MSH3: variants seen among roughly 807,000 people sequenced by gnomAD.
The protein encoded by MSH3 is mutS homolog 3.
A neutral mutation model predicts 123.3 loss-of-function variants in MSH3; 106 were observed. The observed-to-expected ratio is 0.86, with a 90% CI of 0.73 to 1.01. The LOEUF (loss-of-function observed/expected upper bound fraction) is 1.01, where lower values mean the gene tolerates loss of function less well. Ranked by LOEUF, MSH3 falls within the 50% of genes least tolerant of loss-of-function variation. The pLI is 0.00. For missense variants in MSH3, 1,459 were observed against 1,347.6 expected (o/e 1.08, Z -1.29); for synonymous variants, 515 against 481.4 (o/e 1.07, Z -0.91).
chr5:80,678,868 A>G, intron 7 of MSH3, 59 bp from the exon 8 acceptor site: 11 of 1,578,244 alleles, frequency 7.0e-6, no homozygotes, highest in Non-Finnish European at 8.7e-6. Context: ...ATGCTGTGTT[A>G]TAGCCATAAC....
intron 8 of MSH3, among the ~76,000 whole-genome samples, chr5:80,693,620 C>T (rs202062403): frequency 6.4e-5 from 6 of 94,216 alleles, no homozygotes; most frequent in African/African-American, 2.8e-4. Context: ...TACACACACA[C>T]ATATACACAC....
chr5:80,875,182 T>G (rs1265858397), intron 23 of MSH3, among the ~76,000 whole-genome samples: 1 of 152,126 alleles, frequency 6.6e-6, no homozygotes, highest in Non-Finnish European at 1.5e-5. Context: ...CATGGTATAG[T>G]TGGGGAAAGT....
At chr5:80,670,777 G>A (rs1269243834) in intron 4 of MSH3, among the ~76,000 whole-genome samples, 1 of 152,148 alleles carries the variant, frequency 6.6e-6, no homozygotes, top group African/African-American at 2.4e-5. Context: ...GAAGTTGTTT[G>A]AAGTTTTACA....
chr5:80,813,617 C>T lies in MSH3; in HGVS notation c.2689C>T (p.Pro897Ser). The T allele has an allele frequency of 6.2e-7, 1 of 1,614,002 alleles. No homozygotes were observed. Among genetic ancestry groups the T allele is most frequent in the African/African-American group, 1.3e-5 (1 of 74,980 alleles). ...DSERVMIITG[P>S]NMGGKSSYIK... is the part of the protein sequence containing the mutation. The stretch of plus-strand genomic sequence containing the variant: ...AGAGAGAGTAATGATAATTACCGGA[C>T]CAAACATGGGTGGAAAGAGCTCCTA... The change falls in exon 20 of 24, where the codon CCA becomes TCA. Residue 897 changes from proline (P) to serine (S), a missense_variant. Transcript: ENST00000265081.
At chr5:80,761,740 T>A (rs1744039685) in intron 13 of MSH3, 62 bp downstream of exon 13, 1 of 1,585,176 alleles carries the variant, frequency 6.3e-7, no homozygotes, top group Admixed American at 1.7e-5. Context: ...CACTATATAT[T>A]AAAAGAAAAC....
At chr5:80,834,617 T>G (rs1745477469) in intron 20 of MSH3, among the ~76,000 whole-genome samples, 1 of 135,154 alleles carries the variant, frequency 7.4e-6, no homozygotes, top group African/African-American at 2.7e-5. Flanking sequence ...TAAAATATAT[T>G]TTTAGTTTAA....
intron 8 of MSH3, among the ~76,000 whole-genome samples, chr5:80,712,846 G>A (rs1489603893): frequency 3.9e-5 from 6 of 151,946 alleles, no homozygotes; most frequent in Non-Finnish European, 8.8e-5. Context: ...TTCTAAGAAA[G>A]TGGTGGTTGT....
At chr5:80,874,489 T>G (rs929907281) in intron 23 of MSH3, among the ~76,000 whole-genome samples, 1 of 152,144 alleles carries the variant, frequency 6.6e-6, no homozygotes, top group Admixed American at 6.6e-5. Context: ...AATATAAAAT[T>G]TTTCCTGAGG....
At chr5:80,776,518 AT>A (rs1293419800) in intron 16 of MSH3, among the ~76,000 whole-genome samples, 2 of 151,698 alleles carry the variant, frequency 1.3e-5, no homozygotes, top group Non-Finnish European at 2.9e-5. Flanking sequence ...AATTCTTTAC[AT>A]CTTTTTTTTT....
At position 80,771,405 on chromosome 5, in the gene MSH3, C is replaced by T. The variant is rs923825069; in HGVS notation, c.2253+2402C>T. 4.0e-5 allele frequency among the ~76,000 whole-genome samples: 6 copies of T among 151,288 alleles called. No homozygotes were observed. In the South Asian group the frequency reaches 1.3e-3, roughly 32 times the overall value. On this transcript the variant is annotated intron_variant, in intron 15 of 23. Transcript: ENST00000265081. ...AAGGTAGAGAATCACTTGAGCCTGA[C>T]AGGCTGAAGTTGCTGTGACCTGTGA...
chr5:80,871,825 A>C (rs1580103495), intron 22 of MSH3, among the ~76,000 whole-genome samples: 1 of 152,250 alleles, frequency 6.6e-6, no homozygotes, highest in Admixed American at 6.5e-5. Flanking sequence ...AGGGAATGAC[A>C]CAAGCACGTG....
rs562005115 is a variant in MSH3 at position 80,785,070 on chromosome 5, G to A, written c.2436-2495G>A. On this transcript the variant is annotated intron_variant, in intron 17 of 23. Coordinates refer to ENST00000265081, the MANE Select transcript of MSH3 (RefSeq NM_002439.5). Reference sequence around the variant, plus strand: ...TATATAGGAATAGTCCATCATTCTAGTAGTGTAATCTGGATATCTTTTTCA... The same window carrying A: ...TATATAGGAATAGTCCATCATTCTAATAGTGTAATCTGGATATCTTTTTCA... Among the ~76,000 whole-genome samples, 3 of 152,140 alleles carry A rather than the reference G, an allele frequency of 2.0e-5. No homozygotes were observed. The South Asian group carries it at 6.2e-4, about 31-fold the overall frequency.
At chr5:80,717,241 G>T (rs1750981687) in intron 8 of MSH3, among the ~76,000 whole-genome samples, 1 of 152,110 alleles carries the variant, frequency 6.6e-6, no homozygotes, top group Non-Finnish European at 1.5e-5. Flanking sequence ...GAGATTGCTG[G>T]ATCATGTAAT....
intron 10 of MSH3, among the ~76,000 whole-genome samples, chr5:80,733,764 A>G (rs1229606664): frequency 6.6e-6 from 1 of 152,186 alleles, no homozygotes; most frequent in Non-Finnish European, 1.5e-5. Flanking sequence ...AATCAATGCC[A>G]CAGTTAGATA....
intron 22 of MSH3, among the ~76,000 whole-genome samples, chr5:80,866,038 AGAG>A (rs1261483631): frequency 6.6e-6 from 1 of 152,374 alleles, no homozygotes; most frequent in East Asian, 1.9e-4. Flanking sequence ...ACAGGGAAGA[AGAG>A]GAGTCAGTGC....
chr5:80,864,698 C>T (rs1200089870), intron 21 of MSH3, 115 bp from the exon 22 acceptor site: 1 of 897,766 alleles, frequency 1.1e-6, no homozygotes, highest in Non-Finnish European at 1.7e-6. Flanking sequence ...GGTCGTTGTA[C>T]TTTTCTTGTG....
At chr5:80,742,083 C>T (rs1320201726) in intron 11 of MSH3, among the ~76,000 whole-genome samples, 4 of 151,568 alleles carry the variant, frequency 2.6e-5, no homozygotes, top group African/African-American at 4.9e-5. Context: ...GATATTGGCT[C>T]ACTGCAACCT....
chr5:80,667,648 G>A (rs370587779), intron 3 of MSH3, among the ~76,000 whole-genome samples: 6 of 152,332 alleles, frequency 3.9e-5, no homozygotes, highest in South Asian at 2.1e-4. Context: ...TGCTGGCTTC[G>A]GCAGGGTGGG....
intron 22 of MSH3, among the ~76,000 whole-genome samples, chr5:80,869,841 T>TACACACAC (rs35006113): frequency 0.042 from 5,518 of 132,274 alleles, 193 homozygotes; most frequent in African/African-American, 0.082. Flanking sequence ...TACATATATA[T>TACACACAC]ACACACACAC....
Sources: allele counts gnomAD v4.1 joint callset (sites outside exome capture counted in the v4.1 genomes callset), GRCh38; gene constraint gnomAD v4.1.1; transcripts MANE v1.5; gene names NCBI Gene and HGNC (gene_info 2026-07-23, HGNC 2026-07-21).